The following LAMA2 variants were observed in gnomAD, a reference collection of about 807,000 sequenced individuals.
LAMA2 encodes laminin subunit alpha-2.
A neutral mutation model predicts 364.8 loss-of-function variants in LAMA2; 269 were observed. The observed-to-expected ratio is 0.74, with a 90% CI of 0.67 to 0.82. The LOEUF (loss-of-function observed/expected upper bound fraction) is 0.82, where lower values mean the gene tolerates loss of function less well. LAMA2 is among the 40% of genes least tolerant of loss of function. The pLI, the probability that LAMA2 is intolerant of heterozygous loss-of-function variation, is 0.00. For synonymous variants in LAMA2, 1,379 were observed against 1,370.6 expected (o/e 1.01, Z -0.14); for missense variants, 3,807 against 3,873.2 (o/e 0.98, Z 0.45).
chr6:129,163,518 C>T (rs959489426), intron 8 of LAMA2, among the ~76,000 whole-genome samples: 2 of 152,112 alleles, frequency 1.3e-5, no homozygotes, highest in South Asian at 4.1e-4. Context: ...CCTGTAATAT[C>T]ACCTACTCAG....
At chr6:129,313,483 C>T (rs1774361063) in intron 23 of LAMA2, among the ~76,000 whole-genome samples, 1 of 152,082 alleles carries the variant, frequency 6.6e-6, no homozygotes, top group East Asian at 1.9e-4. Flanking sequence ...TTATAAAAAC[C>T]ATTTCTCCAA....
chr6:129,314,186 G>A (rs1400212296), intron 23 of LAMA2, among the ~76,000 whole-genome samples: 2 of 152,052 alleles, frequency 1.3e-5, no homozygotes, highest in Non-Finnish European at 2.9e-5. Flanking sequence ...GGATCACGAG[G>A]TCAGGAGATC....
intron 1 of LAMA2, among the ~76,000 whole-genome samples, chr6:128,933,230 CTGTGTGTG>C (rs71028134): frequency 1.4e-4 from 21 of 146,282 alleles, no homozygotes; most frequent in East Asian, 8.1e-4. Context: ...CCCTCTCTTT[CTGTGTGTG>C]TGTGTGTGTG....
chr6:129,421,269 TA>T (rs1781058399), intron 40 of LAMA2, among the ~76,000 whole-genome samples: 1 of 151,974 alleles, frequency 6.6e-6, no homozygotes, highest in Non-Finnish European at 1.5e-5. Flanking sequence ...GCAACTTACA[TA>T]AAAATAGACT....
chr6:129,337,151 G>A (rs1776001566), intron 29 of LAMA2, among the ~76,000 whole-genome samples: 1 of 152,102 alleles, frequency 6.6e-6, no homozygotes, highest in South Asian at 2.1e-4. Flanking sequence ...CTAGTTTAGG[G>A]GAAAGAACAG....
chr6:129,135,212 C>T (rs1777715555), intron 4 of LAMA2, among the ~76,000 whole-genome samples: 1 of 152,136 alleles, frequency 6.6e-6, no homozygotes, highest in African/African-American at 2.4e-5. Context: ...AGTTAAAATA[C>T]TGGGTCTGTC....
chr6:129,487,796 T>G (rs1415723050), intron 56 of LAMA2, among the ~76,000 whole-genome samples: 1 of 152,144 alleles, frequency 6.6e-6, no homozygotes, highest in Non-Finnish European at 1.5e-5. Context: ...GAAACCATGA[T>G]CGAGACAAAT....
intron 12 of LAMA2, among the ~76,000 whole-genome samples, chr6:129,200,502 ATATG>A (rs980188725): frequency 4.0e-5 from 6 of 151,052 alleles, no homozygotes; most frequent in African/African-American, 1.2e-4. Flanking sequence ...GTACACATAT[ATATG>A]TGTGTGTATA....
intron 20 of LAMA2, chr6:129,293,013 G>C: frequency 1.0e-6 from 1 of 985,902 alleles, no homozygotes; most frequent in Non-Finnish European, 1.2e-6. Context: ...TCAGAGGTGG[G>C]CTATCGGCAG....
intron 14 of LAMA2, among the ~76,000 whole-genome samples, chr6:129,252,709 T>A (rs1786357140): frequency 6.6e-6 from 1 of 152,176 alleles, no homozygotes; most frequent in African/African-American, 2.4e-5. Flanking sequence ...TCTGGCTTAA[T>A]AGTATATAGA....
At chr6:128,915,340 G>T (rs1009499990) in intron 1 of LAMA2, among the ~76,000 whole-genome samples, 1 of 152,102 alleles carries the variant, frequency 6.6e-6, no homozygotes. Flanking sequence ...TTGCTAACCT[G>T]CTTTTTAGAT....
At chr6:129,279,594 G>A (rs923879417) in intron 17 of LAMA2, among the ~76,000 whole-genome samples, 1 of 152,052 alleles carries the variant, frequency 6.6e-6, no homozygotes, top group Non-Finnish European at 1.5e-5. Flanking sequence ...ACACAGGCAC[G>A]CCCCACTATG....
rs147506646 is a variant in LAMA2 at position 129,113,309 on chromosome 6, T to A, written c.639+14894T>A. Among the ~76,000 whole-genome samples the A allele has an allele frequency of 4.6e-5, 7 of 152,150 alleles. No homozygotes were observed. In the East Asian group the frequency reaches 1.4e-3, roughly 29 times the overall value. On this transcript the variant is annotated intron_variant, in intron 4 of 64. Transcript: ENST00000421865. ...ATTTCCAAAACAATCGGGGGTAATG[T>A]TCGAATTCTAAGTTCTTGTCATAAA...
At chr6:129,358,486 A>G (rs1777280888) in intron 32 of LAMA2, among the ~76,000 whole-genome samples, 1 of 152,046 alleles carries the variant, frequency 6.6e-6, no homozygotes, top group Non-Finnish European at 1.5e-5. Flanking sequence ...AAGACAAACT[A>G]AAATCACATA....
intron 4 of LAMA2, among the ~76,000 whole-genome samples, chr6:129,111,093 A>G (rs1429003285): frequency 6.6e-6 from 1 of 152,028 alleles, no homozygotes; most frequent in Non-Finnish European, 1.5e-5. Context: ...AATGGTTATG[A>G]TTACACTTTA....
At chr6:129,294,201 C>T (rs1279140466) in intron 20 of LAMA2, among the ~76,000 whole-genome samples, 1 of 152,142 alleles carries the variant, frequency 6.6e-6, no homozygotes, top group East Asian at 1.9e-4. Context: ...ATGGGATATA[C>T]CCAAGCAAAT....
intron 53 of LAMA2, among the ~76,000 whole-genome samples, chr6:129,476,389 G>A (rs1028634574): frequency 3.9e-5 from 6 of 152,210 alleles, no homozygotes; most frequent in South Asian, 2.1e-4. Context: ...GCTAAAAAGC[G>A]AAGGCTGGCT....
chr6:128,939,421 A>G (rs189252159), intron 1 of LAMA2, among the ~76,000 whole-genome samples: 33 of 152,238 alleles, frequency 2.2e-4, no homozygotes, highest in Admixed American at 1.7e-3. Flanking sequence ...TATAACATAT[A>G]TACCTTCACC....
intron 1 of LAMA2, among the ~76,000 whole-genome samples, chr6:128,895,231 T>C (rs1776692682): frequency 6.6e-6 from 1 of 152,202 alleles, no homozygotes; most frequent in Admixed American, 6.5e-5. Flanking sequence ...TCAAAATCTC[T>C]GCCATATCAT....
Sources: allele counts gnomAD v4.1 joint callset (sites outside exome capture counted in the v4.1 genomes callset), GRCh38; gene constraint gnomAD v4.1.1; transcripts MANE v1.5; gene names NCBI Gene and HGNC (gene_info 2026-07-23, HGNC 2026-07-21).